Variants in GARRE1 observed in about 807,000 individuals in gnomAD.
The protein encoded by GARRE1 is granule associated Rac and RHOG effector protein 1.
Under a neutral mutation model 103.2 loss-of-function variants are expected in GARRE1, and 49 were observed. The ratio of observed to expected loss-of-function variants is 0.47; its 90% CI spans 0.38 to 0.60. The LOEUF is 0.60. Ranked by LOEUF, GARRE1 falls within the 20% of genes least tolerant of loss-of-function variation. The pLI, the probability that GARRE1 is intolerant of heterozygous loss-of-function variation, is 0.00. For synonymous variants in GARRE1, 505 were observed against 532.8 expected, an observed-to-expected ratio of 0.95 and a Z score of 0.72; for missense variants, 1,199 against 1,370.5, an observed-to-expected ratio of 0.87 and a Z score of 1.98.
In GARRE1 at chr19:34,295,515, GTGTTT is replaced by G. The variant is rs71165644; in HGVS notation, c.-795-4137_-795-4133del. Among the ~76,000 whole-genome samples, 335 of 148,578 alleles carry G rather than the reference GTGTTT, an allele frequency of 2.3e-3. 4 individuals are homozygous for G. Among genetic ancestry groups the G allele is most frequent in the Middle Eastern group, 0.01 (3 of 294 alleles). ...ATTTTCATGAATCTTGTATCTCTTG[GTGTTT>G]TGTTTTGTTTTGTTTTGTTTTGTTT... On this transcript the variant is annotated intron_variant, in intron 1 of 13. Transcript: ENST00000299505.
intron 1 of GARRE1, among the ~76,000 whole-genome samples, chr19:34,294,607 T>C (rs1031801260): frequency 7.4e-6 from 1 of 135,304 alleles, no homozygotes; most frequent in Non-Finnish European, 1.6e-5. Context: ...TGGGCTTCCC[T>C]TGGGAAGAGT....
intron 1 of GARRE1, among the ~76,000 whole-genome samples, chr19:34,288,450 C>T (rs996649955): frequency 6.6e-6 from 1 of 152,170 alleles, no homozygotes; most frequent in Admixed American, 6.6e-5. Flanking sequence ...CATTACAAAA[C>T]AGCCTCCCCT....
chr19:34,323,977 C>T (rs2074100914), intron 3 of GARRE1, among the ~76,000 whole-genome samples: 1 of 152,208 alleles, frequency 6.6e-6, no homozygotes, highest in Non-Finnish European at 1.5e-5. Context: ...TGTGGCCAAG[C>T]CACCACCACT....
intron 1 of GARRE1, among the ~76,000 whole-genome samples, chr19:34,259,980 C>T (rs1261335216): frequency 6.6e-6 from 1 of 152,208 alleles, no homozygotes; most frequent in African/African-American, 2.4e-5. Flanking sequence ...CCCCTTCTGC[C>T]ATGAATATGT....
chr19:34,288,345 T>C (rs993420407), intron 1 of GARRE1, among the ~76,000 whole-genome samples: 10 of 152,172 alleles, frequency 6.6e-5, no homozygotes, highest in African/African-American at 1.9e-4. Flanking sequence ...AAACTGTGAC[T>C]CTTCCCCCAC....
chr19:34,337,051 T>C (rs977605384), intron 8 of GARRE1, among the ~76,000 whole-genome samples: 18 of 91,942 alleles, frequency 2.0e-4, no homozygotes, highest in African/African-American at 7.1e-4. Flanking sequence ...TTTAGTTCTG[T>C]TTTTTTTTTT....
At chr19:34,347,382 G>A (rs997923294) in intron 10 of GARRE1, among the ~76,000 whole-genome samples, 1 of 152,072 alleles carries the variant, frequency 6.6e-6, no homozygotes, top group Non-Finnish European at 1.5e-5. Flanking sequence ...GAGCCACCGC[G>A]CCTGGCCCAC....
At chr19:34,317,276 T>C (rs957001423) in intron 2 of GARRE1, among the ~76,000 whole-genome samples, 2 of 152,258 alleles carry the variant, frequency 1.3e-5, no homozygotes, top group African/African-American at 2.4e-5. Flanking sequence ...TTGCTCATTC[T>C]CTTTCCAGTA....
chr19:34,285,153 T>A (rs1599755548), intron 1 of GARRE1: 1 of 152,314 alleles, frequency 6.6e-6, no homozygotes, highest in Non-Finnish European at 1.5e-5. Context: ...GTTTCAGAAA[T>A]GTTCAATCAT....
At chr19:34,274,826 T>C (rs374113142) in intron 1 of GARRE1, among the ~76,000 whole-genome samples, 2 of 152,216 alleles carry the variant, frequency 1.3e-5, no homozygotes, top group East Asian at 1.9e-4. Context: ...TGCTTCACTT[T>C]GTAATGTGGT....
chr19:34,268,588 C>A (rs2073766688), intron 1 of GARRE1, among the ~76,000 whole-genome samples: 1 of 152,060 alleles, frequency 6.6e-6, no homozygotes, highest in Non-Finnish European at 1.5e-5. Context: ...GAAAATCAGA[C>A]AGACAGCTAG....
chr19:34,271,900 T>C (rs1245786842), intron 1 of GARRE1, among the ~76,000 whole-genome samples: 1 of 152,056 alleles, frequency 6.6e-6, no homozygotes, highest in African/African-American at 2.4e-5. Flanking sequence ...CTTGTCCTCA[T>C]AGAAGGCATT....
At position 34,320,061 on chromosome 19, in the gene GARRE1, T is replaced by C. The variant is rs765004210; in HGVS notation, c.650T>C (p.Met217Thr). Reference sequence around the variant, plus strand: ...GGCAGTGGCGGCGGCTTATCTGGCATGGGCCACACACCTGAAGTAGAGGAA... The same window carrying C: ...GGCAGTGGCGGCGGCTTATCTGGCACGGGCCACACACCTGAAGTAGAGGAA... ...NSGSGGGLSG[M>T]GHTPEVEEAV... Residue 217 changes from methionine (M) to threonine (T), a missense_variant, in exon 3 of 14, where the codon ATG (methionine) becomes ACG (threonine). Coordinates refer to ENST00000299505, the MANE Select transcript of GARRE1 (RefSeq NM_014686.5). The C allele has an allele frequency of 2.4e-5, 38 of 1,614,122 alleles. No homozygotes were observed. The Admixed American group carries it at 6.2e-4, about 26-fold the overall frequency.
intron 1 of GARRE1, among the ~76,000 whole-genome samples, chr19:34,286,486 T>C (rs903724626): frequency 6.6e-6 from 1 of 150,656 alleles, no homozygotes; most frequent in South Asian, 2.1e-4. Flanking sequence ...CCCAAAGTGC[T>C]GGGATTACAG....
chr19:34,307,245 C>T (rs1396324383), intron 2 of GARRE1, among the ~76,000 whole-genome samples: 1 of 152,098 alleles, frequency 6.6e-6, no homozygotes, highest in Non-Finnish European at 1.5e-5. Context: ...GGGCAGCAGG[C>T]TGGGCCCTGC....
At chr19:34,317,515 C>A in intron 2 of GARRE1, among the ~76,000 whole-genome samples, 2 of 152,160 alleles carry the variant, frequency 1.3e-5, no homozygotes, top group East Asian at 3.9e-4. Context: ...CGGCTCACTC[C>A]CCCTCCCTGT....
At chr19:34,283,049 G>A (rs1170013771) in intron 1 of GARRE1, among the ~76,000 whole-genome samples, 1 of 152,188 alleles carries the variant, frequency 6.6e-6, no homozygotes, top group Non-Finnish European at 1.5e-5. Context: ...GGGGAGGATG[G>A]AGAGGTAAGT....
rs1420883930 is a variant in GARRE1 at position 34,294,055 on chromosome 19, C to T, written c.-795-5624C>T. 2.0e-5 allele frequency among the ~76,000 whole-genome samples: 3 copies of T among 151,928 alleles called. No individual in the cohort carries two copies. The East Asian group carries it at 5.8e-4, about 29-fold the overall frequency. On this transcript the variant is annotated intron_variant, in intron 1 of 13. Coordinates refer to ENST00000299505, the MANE Select transcript of GARRE1 (RefSeq NM_014686.5). Reference sequence around the variant, plus strand: ...GGGATTACAGGTGTCAGCCACTGTGCCCGGTTGCATAAACTTATTTTTATA... The same window carrying T: ...GGGATTACAGGTGTCAGCCACTGTGTCCGGTTGCATAAACTTATTTTTATA...
chr19:34,295,446 T>A (rs1309159225), intron 1 of GARRE1, among the ~76,000 whole-genome samples: 1 of 152,138 alleles, frequency 6.6e-6, no homozygotes, highest in Non-Finnish European at 1.5e-5. Flanking sequence ...GTCCTTATTC[T>A]GCCATTTTTG....
Sources: gnomAD v4.1 joint callset for allele counts (sites outside exome capture counted in the v4.1 genomes callset) on GRCh38, gnomAD v4.1.1 for gene constraint, MANE v1.5 for transcripts, NCBI Gene and HGNC (gene_info 2026-07-23, HGNC 2026-07-21) for gene names.